PLOD3: variants seen among roughly 807,000 people sequenced by gnomAD.
The protein encoded by PLOD3 is procollagen-lysine,2-oxoglutarate 5-dioxygenase 3, also known as multifunctional procollagen lysine hydroxylase and glycosyltransferase LH3.
A neutral mutation model predicts 96.9 loss-of-function variants in PLOD3; 73 were observed. The ratio of observed to expected loss-of-function variants is 0.75; its 90% CI spans 0.62 to 0.92. The LOEUF (loss-of-function observed/expected upper bound fraction) is 0.92. Among genes scored for constraint, PLOD3 ranks in the 40% least tolerant of loss-of-function variants. The probability of loss-of-function intolerance (pLI) is 0.00; values close to 1 mark genes in which losing one functional copy is unlikely to be tolerated. For synonymous variants in PLOD3, 454 were observed against 413.7 expected (o/e 1.10, Z -1.18); for missense variants, 1,004 against 1,004.3 (o/e 1.00, Z 0.00).
intron 16 of PLOD3, among the ~76,000 whole-genome samples, chr7:101,208,179 C>G (rs1270315969): frequency 6.6e-6 from 1 of 152,188 alleles, no homozygotes; most frequent in East Asian, 1.9e-4. Flanking sequence ...CTCACTGCAG[C>G]CTCTAACTCT....
rs377166799 is a variant in PLOD3, at chr7:101,212,609, G to A, written c.926C>T (p.Pro309Leu). The A allele has an allele frequency of 1.3e-5, 21 of 1,613,750 alleles. No individual in the cohort carries two copies. In the African/African-American group the frequency reaches 1.7e-4, roughly 13 times the overall value. The change falls in exon 9 of 19, where the codon CCG becomes CTG. Residue 309 changes from proline (P) to leucine (L), a missense_variant. Around this residue, in one of 5 missense-constraint regions of PLOD3, gnomAD observed 690 missense variants for 650.2 expected, o/e 1.06. Transcript: ENST00000223127. ...FLAVFVEQPT[P>L]FLPRFLQRLL... ...CCGCTGCAGGAAGCGGGGCAGAAAC[G>A]GAGTAGGCTGTTCCACAAACACGGC... is the stretch of plus-strand genomic sequence containing the variant.
Position 101,207,716 on chromosome 7 carries a change from C to G in PLOD3, c.1797G>C (p.Arg599Ser), listed in dbSNP as rs139049819. Residue 599 changes from arginine to serine, a missense_variant, in exon 17 of 19, where the codon AGG (arginine) becomes AGC (serine). Transcript: ENST00000223127. ...GCACATTCTCGTAGCCTCCAGCCAGCCTTGAATCCTGGGGGCGGCGGGCAC... is the reference window on the plus strand; with the variant it reads ...GCACATTCTCGTAGCCTCCAGCCAGGCTTGAATCCTGGGGGCGGCGGGCAC... ...QWSGGRHEDS[R>S]LAGGYENVPT... 1.9e-6 allele frequency: 3 copies of G among 1,613,776 alleles called. No homozygotes were observed.
At chr7:101,216,834 G>A (rs771244978) in intron 1 of PLOD3, 48 bp from the exon 2 acceptor site, 9 of 1,291,316 alleles carry the variant, frequency 7.0e-6, no homozygotes, top group Non-Finnish European at 1.0e-5. Flanking sequence ...CCAGCTCCGG[G>A]CCTCACGTGC....
At position 101,217,267 on chromosome 7, in the gene PLOD3, G is replaced by T; in HGVS notation, c.8C>A (p.Ser3Tyr). Residue 3 changes from serine (S) to tyrosine (Y), a missense_variant, in exon 1 of 19, where the codon TCC becomes TAC. This residue lies in a region of PLOD3 where 690 missense variants were observed against 650.2 expected (regional missense o/e 1.06). Transcript: ENST00000223127. Reference protein sequence around the residue: MTSSGPGPRFLLL... With the variant: MTYSGPGPRFLLL... ...CAGGAACCGGGGTCCAGGCCCCGAG[G>T]AGGTCATGGTGGGGAGCGGGCCCAG... 2 of 1,487,162 alleles carry T rather than the reference G, an allele frequency of 1.3e-6. No individual in the cohort carries two copies. The highest frequency in any genetic ancestry group is 2.6e-5 in the East Asian group (1 of 37,756). 92.1% of individuals were successfully genotyped at this position (1,487,162 alleles called of 1,614,324 possible). A position where few individuals can be genotyped will look rare whatever the true frequency, so the allele number is the denominator to read the frequency against.
intron 8 of PLOD3, 25 bp downstream of exon 8, chr7:101,212,817 C>A (rs759215722): frequency 3.2e-6 from 5 of 1,586,802 alleles, no homozygotes; most frequent in African/African-American, 2.7e-5. Context: ...CCCTCTCGTG[C>A]CCCTCCCTGG....
intron 6 of PLOD3, among the ~76,000 whole-genome samples, 170 bp downstream of exon 6, chr7:101,214,919 G>C (rs1443387306): frequency 2.0e-5 from 3 of 152,150 alleles, no homozygotes; most frequent in Admixed American, 2.0e-4. Flanking sequence ...CCTTGCTTCT[G>C]GTAGTACCAT....
chr7:101,207,814 G>T, intron 16 of PLOD3, 90 bp from the exon 17 acceptor site: 1 of 1,392,044 alleles, frequency 7.2e-7, no homozygotes. Flanking sequence ...CCGTCCTCCA[G>T]CCTTCACACC....
At chr7:101,215,619 C>T (rs116112338) in intron 5 of PLOD3, among the ~76,000 whole-genome samples, 51 of 152,264 alleles carry the variant, frequency 3.3e-4, no homozygotes, top group African/African-American at 1.2e-3. Context: ...CTCAGCCTCC[C>T]AAGTAGCTGG....
chr7:101,206,060 G>A lies in PLOD3; in HGVS notation c.*221C>T, dbSNP rs575562927. On this transcript the variant is annotated 3_prime_UTR_variant, in exon 19 of 19. Coordinates refer to ENST00000223127, the MANE Select transcript of PLOD3 (RefSeq NM_001084.5). ...CACGCGGGGAGTCCCCAGAAGCCCT[G>A]TGCCCACGAACCCCTGTGGGCGGAG... The A allele has an allele frequency of 3.2e-5, 20 of 625,284 alleles. No homozygotes were observed. The African/African-American group carries it at 3.3e-4, about 10-fold the overall frequency. 38.7% of individuals were successfully genotyped at this position (625,284 alleles called of 1,614,324 possible). A position where few individuals can be genotyped will look rare whatever the true frequency, so the allele number is the denominator to read the frequency against.
rs1196183486 is a variant in PLOD3, at chr7:101,212,836, C to T, written c.879+6G>A. 6.2e-7 allele frequency: 1 copy of T among 1,607,800 alleles called. No homozygotes were observed. The highest frequency in any genetic ancestry group is 2.2e-5 in the East Asian group (1 of 44,838). The stretch of plus-strand genomic sequence containing the variant: ...CTCGTGCCCCTCCCTGGCACCCCCA[C>T]CTCACCTGCCCCCCCGGGAGTGTCC... On this transcript the variant is annotated splice_donor_region_variant and intron_variant, in intron 8 of 18. Transcript: ENST00000223127.
chr7:101,208,465 T>G, intron 16 of PLOD3: 1 of 342,172 alleles, frequency 2.9e-6, no homozygotes. Context: ...GGTCTCGAAC[T>G]CCTGACCCCA....
chr7:101,210,235 C>T (rs1198822292), intron 14 of PLOD3, 74 bp from the exon 15 acceptor site: 2 of 1,479,690 alleles, frequency 1.4e-6, no homozygotes, highest in Admixed American at 1.9e-5. Context: ...CCCCCTCCCA[C>T]TCAGTGTCCT....
rs775960819 is a variant in PLOD3 at position 101,207,592 on chromosome 7, C to A, written c.1921G>T (p.Gly641Cys). ...GGGCAGCGCACCTTGGTGTGGTAAC[C>A]GGGAAACAGGCTCTCGGTCATGGGG... is the stretch of plus-strand genomic sequence containing the variant. ...VGPMTESLFP[G>C]YHTKARAVMN... is the part of the protein sequence containing the mutation. Residue 641 changes from glycine to cysteine, a missense_variant, in exon 17 of 19, where the codon GGT becomes TGT. By Grantham distance (159) the Gly-to-Cys change is radical (BLOSUM62 -3). Around this residue, in one of 5 missense-constraint regions of PLOD3, gnomAD observed 222 missense variants for 220.4 expected, o/e 1.01. Transcript: ENST00000223127. 1 of 1,613,852 alleles carries A rather than the reference C, an allele frequency of 6.2e-7. No individual in the cohort carries two copies. Among genetic ancestry groups the A allele is most frequent in the Non-Finnish European group, 8.5e-7 (1 of 1,179,944 alleles).
intron 15 of PLOD3, chr7:101,209,892 T>G (rs1468358): frequency 5.2e-6 from 3 of 575,074 alleles, no homozygotes; most frequent in African/African-American, 1.9e-5. Context: ...ATACCCAATA[T>G]ACAGGAGAAG....
chr7:101,213,154 C>A lies in PLOD3; in HGVS notation c.730G>T (p.Ala244Ser). 1 of 1,613,748 alleles carries A rather than the reference C, an allele frequency of 6.2e-7. No individual in the cohort carries two copies. The highest frequency in any genetic ancestry group is 8.5e-7 in the Non-Finnish European group (1 of 1,179,694). The change falls in exon 7 of 19, where the codon GCC (alanine) becomes TCC (serine). Residue 244 changes from alanine to serine, a missense_variant. Ala to Ser is a moderately conservative substitution (Grantham distance 99). Coordinates refer to ENST00000223127, the MANE Select transcript of PLOD3 (RefSeq NM_001084.5). ...ACCACAATGGGGAGCGTGTCGTAGG[C>A]CACGTTCCGGATACGCACACGGTTC... ...DRNRVRIRNV[A>S]YDTLPIVVHG...
At position 101,216,447 on chromosome 7, in the gene PLOD3, C is replaced by T. The variant is rs780846219; in HGVS notation, c.301G>A (p.Ala101Thr). The T allele has an allele frequency of 6.2e-6, 10 of 1,614,040 alleles. No individual in the cohort carries two copies. The highest frequency in any genetic ancestry group is 2.2e-5 in the East Asian group (1 of 44,896). ...ATGATGATCATATCCTCCCGGTCAGCGTATTTCTCCATTTCCTTCTTTAAC... is the reference window on the plus strand; with the variant it reads ...ATGATGATCATATCCTCCCGGTCAGTGTATTTCTCCATTTCCTTCTTTAAC... The part of the protein sequence containing the change: ...RWLKKEMEKY[A>T]DREDMIIMFV... Residue 101 changes from alanine (A) to threonine (T), a missense_variant, in exon 3 of 19, where the codon GCT (alanine) becomes ACT (threonine). Around this residue, in one of 5 missense-constraint regions of PLOD3, gnomAD observed 690 missense variants for 650.2 expected, o/e 1.06. Transcript: ENST00000223127.
chr7:101,215,549 A>G (rs879829255), intron 5 of PLOD3, among the ~76,000 whole-genome samples: 3 of 152,186 alleles, frequency 2.0e-5, no homozygotes, highest in African/African-American at 7.2e-5. Context: ...TCTGTCACCC[A>G]GGCTGGAATG....
At chr7:101,214,858 G>A (rs557209534) in intron 6 of PLOD3, among the ~76,000 whole-genome samples, 3 of 152,110 alleles carry the variant, frequency 2.0e-5, no homozygotes, top group East Asian at 3.9e-4. Context: ...TCCCTGGCCC[G>A]GTGCCCAGGC....
At chr7:101,212,232 T>G (rs571325307) in intron 10 of PLOD3, 21 bp downstream of exon 10, 1 of 1,610,646 alleles carries the variant, frequency 6.2e-7, no homozygotes, top group African/African-American at 1.3e-5. Context: ...CACCCTCTCC[T>G]CCCCGCAAGC....
Sources: gnomAD v4.1 joint callset for allele counts (sites outside exome capture counted in the v4.1 genomes callset) on GRCh38, gnomAD v4.1.1 for gene constraint, gnomAD v4.1.1 regional missense constraint, MANE v1.5 for transcripts, NCBI Gene and HGNC (gene_info 2026-07-23, HGNC 2026-07-21) for gene names.